The following SV2C variants were observed in gnomAD, a reference collection of about 807,000 sequenced individuals.
SV2C encodes solute carrier family 22 member B3.
SV2C carries 49 observed loss-of-function variants against 79.7 expected under a neutral mutation model. The observed-to-expected ratio is 0.61, with a 90% CI of 0.49 to 0.78. The LOEUF is 0.78. Among genes scored for constraint, SV2C ranks in the 30% least tolerant of loss-of-function variants. The pLI is 0.00. For synonymous variants in SV2C, 334 were observed against 333.2 expected (o/e 1.00, Z -0.03); for missense variants, 833 against 912.9 (o/e 0.91, Z 1.13).
the SV2C span, among the ~76,000 whole-genome samples, chr5:75,879,636 A>C: frequency 6.6e-6 from 1 of 152,150 alleles, no homozygotes; most frequent in Non-Finnish European, 1.5e-5. Flanking sequence ...GTCTGCTCTC[A>C]TGGGTTGGAG....
downstream of SV2C, among the ~76,000 whole-genome samples, chr5:76,336,195 G>T (rs1252405320): frequency 1.3e-5 from 2 of 151,272 alleles, 1 homozygote; most frequent in African/African-American, 4.9e-5. Flanking sequence ...GGGCAGAGAC[G>T]CTCCTCACTT....
At chr5:76,315,868 C>T (rs556558430) in intron 12 of SV2C, among the ~76,000 whole-genome samples, 1 of 152,298 alleles carries the variant, frequency 6.6e-6, no homozygotes, top group East Asian at 1.9e-4. Flanking sequence ...GCATACTTTG[C>T]TGGCCTCAGT....
At chr5:75,880,252 A>G in the SV2C span, among the ~76,000 whole-genome samples, 380 of 151,848 alleles carry the variant, frequency 2.5e-3, 5 homozygotes, top group African/African-American at 8.7e-3. Flanking sequence ...AAATAACTCT[A>G]CCAAGATACA....
In SV2C at chr5:76,300,713, G is replaced by A. The variant is rs1399613611; in HGVS notation, c.1637-16G>A. 1 of 1,612,316 alleles carries A rather than the reference G, an allele frequency of 6.2e-7. No homozygotes were observed. Among genetic ancestry groups the A allele is most frequent in the African/African-American group, 1.3e-5 (1 of 74,836 alleles). On this transcript the variant is annotated splice_polypyrimidine_tract_variant and intron_variant, in intron 10 of 12. Coordinates refer to ENST00000502798, the MANE Select transcript of SV2C (RefSeq NM_014979.4). Reference sequence around the variant, plus strand: ...GGTAAGAGCTTGATGAATTGTCTTTGTTGTTGTTTCTACAGATTTTGAGCC... The same window carrying A: ...GGTAAGAGCTTGATGAATTGTCTTTATTGTTGTTTCTACAGATTTTGAGCC...
chr5:76,344,573 G>C (rs542209236), intron 12 of SV2C, among the ~76,000 whole-genome samples: 35 of 152,266 alleles, frequency 2.3e-4, no homozygotes, highest in African/African-American at 7.7e-4. Context: ...GCTGGGCGTG[G>C]TGGTGCACGC....
chr5:75,966,364 C>A, the SV2C span, among the ~76,000 whole-genome samples: 1 of 152,092 alleles, frequency 6.6e-6, no homozygotes, highest in African/African-American at 2.4e-5. Flanking sequence ...AACTACCAGA[C>A]CCCAAATAAA....
intron 2 of SV2C, among the ~76,000 whole-genome samples, chr5:76,152,127 T>G (rs965157560): frequency 6.6e-6 from 1 of 152,150 alleles, no homozygotes; most frequent in African/African-American, 2.4e-5. Flanking sequence ...AGATGAGTGC[T>G]TCTGAGGGGA....
the SV2C span, among the ~76,000 whole-genome samples, chr5:75,893,854 A>G: frequency 6.6e-6 from 1 of 152,084 alleles, no homozygotes; most frequent in Admixed American, 6.6e-5. Flanking sequence ...AGGTGGGGAA[A>G]GAGAGAACTT....
intron 1 of SV2C, among the ~76,000 whole-genome samples, chr5:76,098,846 G>A (rs887729632): frequency 3.9e-5 from 6 of 152,164 alleles, no homozygotes; most frequent in South Asian, 2.1e-4. Flanking sequence ...TTAATATCAG[G>A]AGAATGATGC....
the SV2C span, among the ~76,000 whole-genome samples, chr5:75,964,111 C>T: frequency 2.0e-5 from 3 of 151,976 alleles, no homozygotes; most frequent in Non-Finnish European, 4.4e-5. Context: ...CTGTTTCCCC[C>T]AAGGACCTGT....
At chr5:75,974,782 A>G in the SV2C span, among the ~76,000 whole-genome samples, 1 of 152,206 alleles carries the variant, frequency 6.6e-6, no homozygotes, top group African/African-American at 2.4e-5. Context: ...TATAGGGTTA[A>G]AAATGTAAAT....
At chr5:76,279,600 G>C (rs1747121974) in intron 4 of SV2C, among the ~76,000 whole-genome samples, 1 of 152,212 alleles carries the variant, frequency 6.6e-6, no homozygotes, top group Non-Finnish European at 1.5e-5. Context: ...ACAAAGACTG[G>C]TGGCCTTGGT....
the SV2C span, among the ~76,000 whole-genome samples, chr5:76,033,222 C>G: frequency 7.5e-3 from 1,143 of 151,986 alleles, 17 homozygotes; most frequent in African/African-American, 0.026. Flanking sequence ...ATGGTAGTTT[C>G]TTTTGCTGTG....
At chr5:75,947,157 A>G in the SV2C span, among the ~76,000 whole-genome samples, 655 of 152,200 alleles carry the variant, frequency 4.3e-3, 2 homozygotes, top group Middle Eastern at 6.8e-3. Context: ...AGTGGGAATA[A>G]AGATAAATGT....
intron 2 of SV2C, among the ~76,000 whole-genome samples, chr5:76,164,535 T>C (rs1182600318): frequency 6.6e-6 from 1 of 152,188 alleles, no homozygotes; most frequent in Non-Finnish European, 1.5e-5. Context: ...ACAGTTTGAG[T>C]TCTGCCAGCT....
intron 4 of SV2C, among the ~76,000 whole-genome samples, chr5:76,273,146 G>GATATATATATATAT (rs369657969): frequency 4.6e-4 from 59 of 129,100 alleles, no homozygotes; most frequent in African/African-American, 1.5e-3. Flanking sequence ...TTACAAAAAA[G>GATATATATATATAT]ATATATATAT....
At chr5:76,197,576 G>T (rs200115266) in intron 3 of SV2C, among the ~76,000 whole-genome samples, 1 of 152,100 alleles carries the variant, frequency 6.6e-6, no homozygotes, top group East Asian at 1.9e-4. Flanking sequence ...GCAGAGTTTT[G>T]TGGGATCCAG....
the SV2C span, among the ~76,000 whole-genome samples, chr5:75,915,717 C>A: frequency 3.9e-5 from 6 of 152,260 alleles, no homozygotes; most frequent in African/African-American, 1.4e-4. Flanking sequence ...TGATGATAAA[C>A]CATGGAGGGC....
At chr5:76,007,480 G>C in the SV2C span, among the ~76,000 whole-genome samples, 2 of 152,152 alleles carry the variant, frequency 1.3e-5, no homozygotes, top group South Asian at 2.1e-4. Context: ...CTTAGTTGGG[G>C]CTCTGGCATA....
Sources: allele counts gnomAD v4.1 joint callset (sites outside exome capture counted in the v4.1 genomes callset), GRCh38; gene constraint gnomAD v4.1.1; transcripts MANE v1.5; gene names NCBI Gene and HGNC (gene_info 2026-07-23, HGNC 2026-07-21).